Variants in TGM3 observed in about 807,000 individuals in gnomAD.
The protein encoded by TGM3 is protein-glutamine gamma-glutamyltransferase E.
In TGM3, 52 loss-of-function variants were observed where a neutral mutation model predicts 73.8. The ratio of observed to expected loss-of-function variants is 0.70; its 90% confidence interval spans 0.56 to 0.89. The LOEUF is 0.89. Ranked by LOEUF, TGM3 falls within the 40% of genes least tolerant of loss-of-function variation. The probability of loss-of-function intolerance (pLI) is 0.00; values close to 1 mark genes in which losing one functional copy is unlikely to be tolerated. For synonymous variants in TGM3, 372 were observed against 354.9 expected (o/e 1.05, Z -0.54); for missense variants, 928 against 909.9 (o/e 1.02, Z -0.26).
intron 11 of TGM3, among the ~76,000 whole-genome samples, chr20:2,339,628 G>A (rs1191206667): frequency 1.3e-5 from 2 of 152,146 alleles, no homozygotes; most frequent in Non-Finnish European, 2.9e-5. Context: ...CAAAGCTGAG[G>A]TTCTCATCCA....
chr20:2,311,129 G>A lies in TGM3; in HGVS notation c.540G>A (p.Gln180=), dbSNP rs1245279505. Residue 180 remains glutamine, a splice_region_variant and synonymous_variant, in exon 4 of 13, where the codon CAG becomes CAA. Transcript: ENST00000381458. ...RIGMIGWNFG[Q]FEEDILSICL... is the part of the protein sequence containing the mutation. ...GCATGATTGGCTGGAACTTTGGACAGGTAAAAGGGTCATAAGGAAGCTAAG... is the reference window on the plus strand; with the variant it reads ...GCATGATTGGCTGGAACTTTGGACAAGTAAAAGGGTCATAAGGAAGCTAAG... 1 of 1,613,082 alleles carries A rather than the reference G, an allele frequency of 6.2e-7. No individual in the cohort carries two copies. Among genetic ancestry groups the A allele is most frequent in the Non-Finnish European group, 8.5e-7 (1 of 1,179,090 alleles).
chr20:2,333,886 A>G (rs1380836617), intron 10 of TGM3, among the ~76,000 whole-genome samples: 1 of 152,216 alleles, frequency 6.6e-6, no homozygotes, highest in East Asian at 1.9e-4. Context: ...GAGGTCACTG[A>G]CGGTGAGGGT....
intron 11 of TGM3, among the ~76,000 whole-genome samples, chr20:2,339,017 T>C (rs214828): frequency 0.41 from 62,868 of 152,172 alleles, 13,262 homozygotes; most frequent in African/African-American, 0.48. Context: ...CCAGCCTTCA[T>C]CTGTTCTGAT....
At chr20:2,317,631 T>C in intron 7 of TGM3, 146 bp downstream of exon 7, 1 of 1,152,984 alleles carries the variant, frequency 8.7e-7, no homozygotes, top group South Asian at 1.4e-5. Flanking sequence ...CTGCTGGCAA[T>C]GCTGATTACA....
chr20:2,305,197 C>T (rs2084170638), intron 1 of TGM3, among the ~76,000 whole-genome samples: 2 of 151,488 alleles, frequency 1.3e-5, no homozygotes, highest in Non-Finnish European at 2.9e-5. Flanking sequence ...CCTCCAGTCC[C>T]TCTCCCCTCT....
chr20:2,329,525 G>GTGCC (rs766151532), intron 9 of TGM3, among the ~76,000 whole-genome samples: 4 of 152,180 alleles, frequency 2.6e-5, no homozygotes, highest in Non-Finnish European at 5.9e-5. Context: ...CCCATACTGA[G>GTGCC]TGCCTGCTTC....
intron 7 of TGM3, 71 bp from the exon 8 acceptor site, chr20:2,325,778 G>T: frequency 9.2e-7 from 1 of 1,089,906 alleles, no homozygotes. Flanking sequence ...TTGGGGCAAA[G>T]ATGTGCTGTC....
chr20:2,302,892 G>C (rs943458683), intron 1 of TGM3, among the ~76,000 whole-genome samples: 1 of 152,112 alleles, frequency 6.6e-6, no homozygotes, highest in African/African-American at 2.4e-5. Flanking sequence ...CATAAGAAAA[G>C]AATGAGCTAC....
intron 11 of TGM3, among the ~76,000 whole-genome samples, chr20:2,339,472 G>A (rs1320916819): frequency 6.6e-6 from 1 of 152,130 alleles, no homozygotes; most frequent in Admixed American, 6.5e-5. Context: ...CCCTGTCCTT[G>A]CAAAAAATAA....
In TGM3 at chr20:2,332,141, C is replaced by G; in HGVS notation, c.1473C>G (p.Gly491=). 6.2e-7 allele frequency: 1 copy of G among 1,614,224 alleles called. No individual in the cohort carries two copies. The highest frequency in any genetic ancestry group is 8.5e-7 in the Non-Finnish European group (1 of 1,180,038). The change falls in exon 10 of 13, where the codon GGC becomes GGG. Residue 491 remains glycine (G), a synonymous_variant. Coordinates refer to ENST00000381458, the MANE Select transcript of TGM3 (RefSeq NM_003245.4). The surrounding 1 kb of genome is among the most constrained non-coding windows in gnomAD (Gnocchi z 4.4). ...PSIIGKLKVA[G]MLAVGKEVNL... ...TCATCGGGAAGCTGAAGGTCGCTGGCATGCTGGCAGTAGGCAAAGAAGTCA... is the reference window on the plus strand; with the variant it reads ...TCATCGGGAAGCTGAAGGTCGCTGGGATGCTGGCAGTAGGCAAAGAAGTCA...
chr20:2,300,918 A>C (rs2084142874), intron 1 of TGM3, among the ~76,000 whole-genome samples: 1 of 152,078 alleles, frequency 6.6e-6, no homozygotes, highest in South Asian at 2.1e-4. Context: ...GTATATGTTG[A>C]ATCCCAACAA....
At position 2,321,475 on chromosome 20, in the gene TGM3, G is replaced by A. The variant is rs546444633; in HGVS notation, c.983+3990G>A. The stretch of plus-strand genomic sequence containing the variant: ...GACAAATGGGAGTTTACCTACAGAA[G>A]GGCAGGGTTTGGGGCCACTTTCTAG... On this transcript the variant is annotated intron_variant, in intron 7 of 12. Transcript: ENST00000381458. Among the ~76,000 whole-genome samples the A allele has an allele frequency of 2.6e-5, 4 of 152,300 alleles. No individual in the cohort carries two copies. The South Asian group carries it at 8.3e-4, about 32-fold the overall frequency.
At position 2,339,845 on chromosome 20, in the gene TGM3, C is replaced by G. The variant is rs1481678817; in HGVS notation, c.1801-9C>G. ...GGAGTCCTGACTCGGCAGCCCCTCT[C>G]CCCCATAGGTGCTGAACGAGGCTCG... On this transcript the variant is annotated splice_polypyrimidine_tract_variant and intron_variant, in intron 11 of 12. Transcript: ENST00000381458. 5.0e-6 allele frequency: 8 copies of G among 1,613,750 alleles called. No homozygotes were observed. Among genetic ancestry groups the G allele is most frequent in the Non-Finnish European group, 5.9e-6 (7 of 1,179,994 alleles).
chr20:2,309,965 C>A (rs768103515), intron 2 of TGM3, 135 bp downstream of exon 2: 113 of 1,400,148 alleles, frequency 8.1e-5, no homozygotes, highest in Admixed American at 1.0e-4. Flanking sequence ...TTCAGTGTGG[C>A]CTTGGGCAAG....
In TGM3 at chr20:2,313,024, A is replaced by G. The variant is rs377549298; in HGVS notation, c.667A>G (p.Met223Val). The change falls in exon 5 of 13, where the codon ATG becomes GTG. Residue 223 changes from methionine (M) to valine (V), a missense_variant and splice_region_variant. By Grantham distance (21) the Met-to-Val change is conservative. Transcript: ENST00000381458. Reference sequence around the variant, plus strand: ...ATACGTTGGCCGGGTGCTGAGTGCCATGGTGAGTAACAGGAAAACGATCAC... The same window carrying G: ...ATACGTTGGCCGGGTGCTGAGTGCCGTGGTGAGTAACAGGAAAACGATCAC... Reference protein sequence around the residue: ...PKYVGRVLSAMINSNDDNGVL... With the variant: ...PKYVGRVLSAVINSNDDNGVL... 1 of 1,614,164 alleles carries G rather than the reference A, an allele frequency of 6.2e-7. No individual in the cohort carries two copies. The highest frequency in any genetic ancestry group is 1.1e-5 in the South Asian group (1 of 91,078).
intron 7 of TGM3, among the ~76,000 whole-genome samples, chr20:2,319,757 C>T (rs942361045): frequency 3.3e-5 from 5 of 152,158 alleles, no homozygotes; most frequent in Non-Finnish European, 7.3e-5. Flanking sequence ...ATAGTTACTC[C>T]CTACACCATT....
At chr20:2,300,945 G>T (rs963779458) in intron 1 of TGM3, among the ~76,000 whole-genome samples, 1 of 152,052 alleles carries the variant, frequency 6.6e-6, no homozygotes, top group Non-Finnish European at 1.5e-5. Flanking sequence ...TAAGAGAGAA[G>T]ATGTTCCAGG....
At chr20:2,320,251 G>T (rs987668448) in intron 7 of TGM3, among the ~76,000 whole-genome samples, 1 of 152,258 alleles carries the variant, frequency 6.6e-6, no homozygotes, top group Admixed American at 6.5e-5. Context: ...AATCAAGGGA[G>T]ATTAAGCATT....
chr20:2,309,611 C>T (rs1291694231), intron 1 of TGM3, 46 bp from the exon 2 acceptor site: 2 of 1,603,562 alleles, frequency 1.2e-6, no homozygotes, highest in Non-Finnish European at 1.7e-6. Context: ...CCCACACCAC[C>T]ATCCCTTGCC....
Sources: gnomAD v4.1 joint callset for allele counts (sites outside exome capture counted in the v4.1 genomes callset) on GRCh38, gnomAD v4.1.1 for gene constraint, Gnocchi (gnomAD v3.1) non-coding constraint, MANE v1.5 for transcripts, NCBI Gene and HGNC (gene_info 2026-07-23, HGNC 2026-07-21) for gene names.